Variants in POFUT3 observed in about 807,000 individuals in gnomAD.
POFUT3 encodes GDP-fucose protein O-fucosyltransferase 3.
At chr8:33,427,266 C>A in the POFUT3 span, among the ~76,000 whole-genome samples, 4 of 151,964 alleles carry the variant, frequency 2.6e-5, no homozygotes, top group Middle Eastern at 3.2e-3. Context: ...ACATAGGAGA[C>A]CTTGTCTCTT....
the POFUT3 span, among the ~76,000 whole-genome samples, chr8:33,309,138 TAAAAAAAAAAAAAAA>T: frequency 7.7e-3 from 318 of 41,290 alleles, 1 homozygote; most frequent in Non-Finnish European, 9.4e-3. Context: ...CTGGGGAGTG[TAAAAAAAAAAAAAAA>T]AAAAAAAAAA....
the POFUT3 span, among the ~76,000 whole-genome samples, chr8:33,318,792 T>TAC: frequency 1.2e-4 from 6 of 49,056 alleles, 1 homozygote; most frequent in African/African-American, 8.6e-4. Context: ...ATTTATATAA[T>TAC]ATATATATAT....
chr8:33,412,566 C>G, the POFUT3 span, among the ~76,000 whole-genome samples: 1 of 152,140 alleles, frequency 6.6e-6, no homozygotes, highest in African/African-American at 2.4e-5. Context: ...AGGAAGTACT[C>G]TTTATTCAAG....
the POFUT3 span, among the ~76,000 whole-genome samples, chr8:33,446,600 T>C: frequency 6.6e-6 from 1 of 152,154 alleles, no homozygotes; most frequent in Admixed American, 6.6e-5. Flanking sequence ...GGATGGTCCA[T>C]TGCTCAAGTG....
the POFUT3 span, among the ~76,000 whole-genome samples, chr8:33,339,831 C>A: frequency 6.6e-6 from 1 of 152,038 alleles, no homozygotes; most frequent in Non-Finnish European, 1.5e-5. Context: ...CAAAAATATT[C>A]TTCAGAGATG....
chr8:33,452,949 A>T, the POFUT3 span: 1 of 392,174 alleles, frequency 2.5e-6, no homozygotes. Flanking sequence ...CTTCATCTCA[A>T]AGCACAACTA....
chr8:33,379,580 G>C, the POFUT3 span, among the ~76,000 whole-genome samples: 1 of 152,144 alleles, frequency 6.6e-6, no homozygotes, highest in African/African-American at 2.4e-5. Flanking sequence ...GCTCACGCCT[G>C]TAATCTCAGC....
chr8:33,339,702 G>A, the POFUT3 span, among the ~76,000 whole-genome samples: 6 of 151,982 alleles, frequency 3.9e-5, no homozygotes, highest in African/African-American at 1.4e-4. Context: ...ACCTATTGAG[G>A]AAAAACAGTT....
At chr8:33,419,973 C>T in the POFUT3 span, among the ~76,000 whole-genome samples, 1 of 151,850 alleles carries the variant, frequency 6.6e-6, no homozygotes, top group Non-Finnish European at 1.5e-5. Context: ...ACAAAAGATA[C>T]AAAAATTAGC....
the POFUT3 span, among the ~76,000 whole-genome samples, chr8:33,348,055 G>A: frequency 3.8e-4 from 57 of 151,582 alleles, no homozygotes; most frequent in Admixed American, 3.4e-3. Context: ...GTGGGCACCT[G>A]TAATCTCAGC....
the POFUT3 span, among the ~76,000 whole-genome samples, chr8:33,311,168 T>C: frequency 1.4e-4 from 21 of 152,338 alleles, no homozygotes; most frequent in Non-Finnish European, 2.1e-4. Flanking sequence ...ACCTTCAGGG[T>C]AGCCATGAAG....
the POFUT3 span, among the ~76,000 whole-genome samples, chr8:33,444,693 C>T: frequency 1.6e-4 from 25 of 151,992 alleles, no homozygotes; most frequent in Admixed American, 1.2e-3. Flanking sequence ...TGGCGTGTGC[C>T]TGTAATCCCA....
chr8:33,396,637 A>G, the POFUT3 span, among the ~76,000 whole-genome samples: 8 of 152,230 alleles, frequency 5.3e-5, no homozygotes, highest in Non-Finnish European at 8.8e-5. Flanking sequence ...AAATCAGAAG[A>G]TGAGACTCCT....
At chr8:33,442,416 C>T in the POFUT3 span, among the ~76,000 whole-genome samples, 3 of 151,680 alleles carry the variant, frequency 2.0e-5, no homozygotes, top group Admixed American at 2.0e-4. Flanking sequence ...GCCTCCCAAA[C>T]AGCTGGGACT....
At chr8:33,333,604 A>G in the POFUT3 span, among the ~76,000 whole-genome samples, 7 of 138,534 alleles carry the variant, frequency 5.1e-5, no homozygotes, top group Non-Finnish European at 9.2e-5. Flanking sequence ...GAGAGAGCAA[A>G]TGGAATAGGC....
chr8:33,389,604 C>T, the POFUT3 span: 19 of 1,614,062 alleles, frequency 1.2e-5, no homozygotes, highest in Non-Finnish European at 1.4e-5. Flanking sequence ...GACTTCAGGA[C>T]TTCAATGCTC....
the POFUT3 span, among the ~76,000 whole-genome samples, chr8:33,356,710 C>T: frequency 6.6e-6 from 1 of 151,480 alleles, no homozygotes; most frequent in African/African-American, 2.4e-5. Flanking sequence ...CTTTTGTTGC[C>T]ATTGCTTTTG....
chr8:33,433,868 T>G, the POFUT3 span, among the ~76,000 whole-genome samples: 2 of 151,296 alleles, frequency 1.3e-5, no homozygotes, highest in South Asian at 2.1e-4. Flanking sequence ...CTTGGGAGGC[T>G]GAAGTGGGAG....
At chr8:33,351,587 A>G in the POFUT3 span, among the ~76,000 whole-genome samples, 1 of 152,144 alleles carries the variant, frequency 6.6e-6, no homozygotes, top group African/African-American at 2.4e-5. Flanking sequence ...TCTTCCACCA[A>G]GAGTGGAAGC....
Sources: allele counts gnomAD v4.1 joint callset (sites outside exome capture counted in the v4.1 genomes callset), GRCh38; gene constraint gnomAD v4.1.1; transcripts MANE v1.5; gene names NCBI Gene and HGNC (gene_info 2026-07-23, HGNC 2026-07-21).